LZTFL1: variants seen among roughly 807,000 people sequenced by gnomAD.
LZTFL1 encodes the protein leucine zipper transcription factor-like protein 1.
In LZTFL1, 25 loss-of-function variants were observed where a neutral mutation model predicts 45.9. The ratio of observed to expected loss-of-function variants is 0.54; its 90% confidence interval spans 0.40 to 0.76. The LOEUF is 0.76. Ranked by LOEUF, LZTFL1 falls within the 30% of genes least tolerant of loss-of-function variation. The probability of loss-of-function intolerance (pLI) is 0.00; values close to 1 mark genes in which losing one functional copy is unlikely to be tolerated. For missense variants in LZTFL1, 277 were observed against 331.1 expected (o/e 0.84, Z 1.27); for synonymous variants, 93 against 117.4 (o/e 0.79, Z 1.35).
rs116264461 is a variant in LZTFL1, at chr3:45,889,089, G to A, written c.-215+24031C>T. On this transcript the variant is annotated intron_variant, in intron 2 of 4. Transcript: ENST00000472635. ...CAGCCTTGAACTCCTGGGTTCAAGC[G>A]ATTGTCCTGCGTCAGCCAGCTGAGT... Among the ~76,000 whole-genome samples the A allele has an allele frequency of 9.9e-3, 1,509 of 152,286 alleles. 28 individuals are homozygous for A. Among genetic ancestry groups the A allele is most frequent in the African/African-American group, 0.034 (1,403 of 41,540 alleles).
intron 7 of LZTFL1, among the ~76,000 whole-genome samples, chr3:45,829,608 GA>G (rs1206418827): frequency 0.14 from 8,120 of 58,956 alleles, 126 homozygotes; most frequent in Non-Finnish European, 0.15. Context: ...TGTCTCAAAA[GA>G]AAAAAAAAAA....
At chr3:45,846,027 A>G (rs889051834), upstream of LZTFL1, among the ~76,000 whole-genome samples, 5 of 152,232 alleles carry the variant, frequency 3.3e-5, no homozygotes, top group South Asian at 2.1e-4. Context: ...TGGCTGGGCT[A>G]TAAGAAGCTC....
intron 2 of LZTFL1, among the ~76,000 whole-genome samples, chr3:45,868,808 T>A (rs1475278163): frequency 6.6e-6 from 1 of 152,204 alleles, no homozygotes; most frequent in African/African-American, 2.4e-5. Context: ...TCCTTCTCTG[T>A]TTAGAAGGCT....
chr3:45,828,762 C>T (rs570437252), intron 7 of LZTFL1, 147 bp from the exon 8 acceptor site: 1 of 686,860 alleles, frequency 1.5e-6, no homozygotes. Context: ...TAGGTAAGTG[C>T]CAGCCCCTTC....
chr3:45,894,248 T>G (rs1011814670), intron 2 of LZTFL1, among the ~76,000 whole-genome samples: 2 of 152,314 alleles, frequency 1.3e-5, no homozygotes, highest in African/African-American at 2.4e-5. Flanking sequence ...TTTTCTTCAG[T>G]ACACAAACCT....
chr3:45,828,833 G>A (rs1196259284), intron 7 of LZTFL1, among the ~76,000 whole-genome samples: 2 of 152,100 alleles, frequency 1.3e-5, no homozygotes, highest in African/African-American at 2.4e-5. Context: ...GCACACAGCC[G>A]ACACTCAGTA....
At chr3:45,902,064 C>A in intron 2 of LZTFL1, 1 of 634,172 alleles carries the variant, frequency 1.6e-6, no homozygotes, top group Non-Finnish European at 2.7e-6. Context: ...GCAAATATTT[C>A]AAAATCAACT....
chr3:45,889,065 A>C (rs2125738440), intron 2 of LZTFL1, among the ~76,000 whole-genome samples: 1 of 152,330 alleles, frequency 6.6e-6, no homozygotes. Context: ...AGCTCACTTC[A>C]GCCTTGAACT....
At chr3:45,859,528 A>G (rs896607755) in intron 2 of LZTFL1, among the ~76,000 whole-genome samples, 5 of 152,318 alleles carry the variant, frequency 3.3e-5, no homozygotes, top group African/African-American at 4.8e-5. Context: ...AATGTGGCCT[A>G]TGCTGGTATT....
intron 2 of LZTFL1, among the ~76,000 whole-genome samples, chr3:45,904,447 G>A (rs1342128952): frequency 6.6e-6 from 1 of 152,196 alleles, no homozygotes; most frequent in East Asian, 1.9e-4. Flanking sequence ...GGTGTCCAAG[G>A]CTTTGGCCTT....
chr3:45,835,425 T>C (rs951080871), intron 3 of LZTFL1, 165 bp downstream of exon 3: 6 of 608,330 alleles, frequency 9.9e-6, no homozygotes, highest in Non-Finnish European at 1.7e-5. Context: ...AAAGGGTGCT[T>C]AGTGGTACCC....
At chr3:45,868,732 G>A (rs999508466) in intron 2 of LZTFL1, among the ~76,000 whole-genome samples, 1 of 152,086 alleles carries the variant, frequency 6.6e-6, no homozygotes, top group African/African-American at 2.4e-5. Flanking sequence ...AATAACAGCC[G>A]ATATTTTCCC....
At chr3:45,872,433 T>C (rs1701684888) in intron 2 of LZTFL1, among the ~76,000 whole-genome samples, 2 of 152,204 alleles carry the variant, frequency 1.3e-5, no homozygotes, top group Admixed American at 1.3e-4. Context: ...TTTGTGAATG[T>C]GGCTAGTAAG....
At chr3:45,842,551 G>C (rs549855463), upstream of LZTFL1, among the ~76,000 whole-genome samples, 1 of 152,212 alleles carries the variant, frequency 6.6e-6, no homozygotes, top group Admixed American at 6.5e-5. Context: ...AATGCCAGCA[G>C]GTTCTCAAAT....
intron 2 of LZTFL1, among the ~76,000 whole-genome samples, chr3:45,912,523 A>T (rs1246604733): frequency 6.6e-6 from 1 of 151,696 alleles, no homozygotes; most frequent in Non-Finnish European, 1.5e-5. Context: ...ACTTTTACTC[A>T]CTCTCTTGGA....
intron 2 of LZTFL1, among the ~76,000 whole-genome samples, chr3:45,871,523 A>G (rs1575280382): frequency 3.3e-5 from 5 of 152,154 alleles, no homozygotes; most frequent in Non-Finnish European, 7.4e-5. Context: ...TTATCTTTTT[A>G]TTTTTGTTTT....
intron 2 of LZTFL1, among the ~76,000 whole-genome samples, chr3:45,907,201 C>G (rs1380785597): frequency 1.3e-5 from 2 of 152,182 alleles, no homozygotes. Flanking sequence ...GGGCTTTCAC[C>G]AGACCCCAGG....
intron 2 of LZTFL1, among the ~76,000 whole-genome samples, chr3:45,873,836 C>T (rs1271783454): frequency 6.6e-6 from 1 of 152,178 alleles, no homozygotes; most frequent in African/African-American, 2.4e-5. Flanking sequence ...ATAATCTTCC[C>T]CAACAGGCTT....
At chr3:45,834,565 C>G in intron 3 of LZTFL1, 1 of 276,106 alleles carries the variant, frequency 3.6e-6, no homozygotes, top group Non-Finnish European at 6.8e-6. Flanking sequence ...AATGTTAATA[C>G]AAATATGAGG....
Sources: allele counts gnomAD v4.1 joint callset (sites outside exome capture counted in the v4.1 genomes callset), GRCh38; gene constraint gnomAD v4.1.1; transcripts MANE v1.5; gene names NCBI Gene and HGNC (gene_info 2026-07-23, HGNC 2026-07-21).